The following FTCDNL1 variants were observed in gnomAD, a reference collection of about 807,000 sequenced individuals.
FTCDNL1 encodes the protein formiminotransferase cyclodeaminase N-terminal like.
A neutral mutation model predicts 5.9 loss-of-function variants in FTCDNL1; 11 were observed. That is an observed-to-expected ratio of 1.87 (90% confidence interval 1.18 to 3.10). The LOEUF is 3.10. FTCDNL1 is among the 30% of genes most tolerant of loss of function. The probability of loss-of-function intolerance (pLI) is 0.00; values close to 1 mark genes in which losing one functional copy is unlikely to be tolerated. For missense variants in FTCDNL1, 115 were observed against 65.5 expected (o/e 1.76, Z -2.61); for synonymous variants, 58 against 24.8 (o/e 2.34, Z -3.99).
chr2:199,786,651 C>A (rs1013259637), intron 3 of FTCDNL1, among the ~76,000 whole-genome samples: 3 of 152,172 alleles, frequency 2.0e-5, no homozygotes, highest in African/African-American at 7.2e-5. Flanking sequence ...CATATTTCAT[C>A]AAATTTACAG....
the FTCDNL1 span, among the ~76,000 whole-genome samples, chr2:199,716,870 T>C: frequency 6.6e-6 from 1 of 152,182 alleles, no homozygotes; most frequent in African/African-American, 2.4e-5. Flanking sequence ...TTAGTAGCTA[T>C]GGTTCAAAAG....
the FTCDNL1 span, among the ~76,000 whole-genome samples, chr2:199,684,438 T>G: frequency 6.6e-6 from 1 of 152,332 alleles, no homozygotes; most frequent in East Asian, 1.9e-4. Flanking sequence ...ATTGCTAATT[T>G]ACCCCCAAGT....
At chr2:199,817,560 G>A (rs554068332) in intron 4 of FTCDNL1, among the ~76,000 whole-genome samples, 1 of 152,228 alleles carries the variant, frequency 6.6e-6, no homozygotes, top group South Asian at 2.1e-4. Flanking sequence ...GCCAAGGTGG[G>A]TAGATGGCCT....
Position 199,798,471 on chromosome 2 carries a change from T to C in FTCDNL1, c.212-37636A>G, listed in dbSNP as rs137867384. On this transcript the variant is annotated intron_variant, in intron 3 of 3. Coordinates refer to the FTCDNL1 transcript ENST00000416668. ...AATTGGGAAAGTGCTACAGGTTCTG[T>C]GGAGGTACAGTTCACCTACGTCCTC... Among the ~76,000 whole-genome samples, 495 of 152,336 alleles carry C rather than the reference T, an allele frequency of 3.2e-3. 7 individuals carry two copies. Among genetic ancestry groups the C allele is most frequent in the South Asian group, 0.013 (62 of 4,820 alleles).
chr2:199,691,013 A>T, the FTCDNL1 span, among the ~76,000 whole-genome samples: 1 of 152,220 alleles, frequency 6.6e-6, no homozygotes. Context: ...ATATACAAAC[A>T]TAGGCCAAAA....
At chr2:199,767,676 T>C (rs1644044658) in intron 3 of FTCDNL1, among the ~76,000 whole-genome samples, 2 of 152,130 alleles carry the variant, frequency 1.3e-5, no homozygotes, top group African/African-American at 4.8e-5. Flanking sequence ...TTCTCTCTTC[T>C]ACCACGTGAG....
intron 4 of FTCDNL1, chr2:199,819,330 A>C (rs774903385): frequency 4.0e-6 from 2 of 503,298 alleles, no homozygotes; most frequent in Non-Finnish European, 7.2e-6. Context: ...TTGCAGGGCT[A>C]ATGATATATC....
At position 199,851,103 on chromosome 2, in the gene FTCDNL1, GACCGCCCAGCCCAA is replaced by G. The variant is rs2076866397; in HGVS notation, c.-385_-372del. On this transcript the variant is annotated 5_prime_UTR_variant, in exon 1 of 5. Coordinates refer to ENST00000420128, the MANE Select transcript of FTCDNL1 (RefSeq NM_001363886.2). ...GCGCCGAAGGGCGGTGGGGCAGGGC[GACCGCCCAGCCCAA>G]GTCGCCGCCGCGCGTGGCCCGCGCG... The G allele has an allele frequency of 1.3e-5, 2 of 149,520 alleles. No individual in the cohort carries two copies. Among genetic ancestry groups the G allele is most frequent in the Non-Finnish European group, 3.0e-5 (2 of 67,148 alleles). The allele number at this position is 149,520 out of a possible 1,614,324, so 9.3% of individuals were successfully genotyped here. A position where few individuals can be genotyped will look rare whatever the true frequency, so the allele number is the denominator to read the frequency against.
intron 3 of FTCDNL1, among the ~76,000 whole-genome samples, chr2:199,825,706 GCTTCCTAAGCC>G (rs11271689): frequency 0.058 from 8,846 of 152,214 alleles, 571 homozygotes; most frequent in Admixed American, 0.13. Flanking sequence ...ATGAGTAAGA[GCTTCCTAAGCC>G]TTTACCAGAA....
the FTCDNL1 span, among the ~76,000 whole-genome samples, chr2:199,727,197 C>T: frequency 6.6e-6 from 1 of 152,226 alleles, no homozygotes; most frequent in Non-Finnish European, 1.5e-5. Context: ...TCTGCCACAG[C>T]CGCTGTGCTG....
Position 199,812,569 on chromosome 2 carries a change from T to A in FTCDNL1, c.*136A>T, listed in dbSNP as rs971317964. 2.2e-6 allele frequency: 1 copy of A among 462,802 alleles called. No homozygotes were observed. Among genetic ancestry groups the A allele is most frequent in the African/African-American group, 2.0e-5 (1 of 49,906 alleles). 28.7% of individuals were successfully genotyped at this position (462,802 alleles called of 1,614,324 possible). ...ACTTTTTGCTCTAAAATTAGAAACC[T>A]GATGTGAAAGTTTGTTTCTCAGTTT... is the stretch of plus-strand genomic sequence containing the variant. On this transcript the variant is annotated 3_prime_UTR_variant, in exon 5 of 5. Coordinates refer to ENST00000420128, the MANE Select transcript of FTCDNL1 (RefSeq NM_001363886.2).
At chr2:199,819,792 C>T (rs1701574947) in intron 3 of FTCDNL1, 35 bp from the exon 4 acceptor site, 1 of 675,860 alleles carries the variant, frequency 1.5e-6, no homozygotes, top group South Asian at 1.5e-5. Context: ...AAGAAAATCA[C>T]AATCAAGCCA....
downstream of FTCDNL1, among the ~76,000 whole-genome samples, chr2:199,758,506 C>T (rs1574427693): frequency 6.6e-6 from 1 of 151,714 alleles, no homozygotes; most frequent in African/African-American, 2.4e-5. Context: ...TCATACACTG[C>T]TGGGGTGATT....
the FTCDNL1 span, among the ~76,000 whole-genome samples, chr2:199,723,592 A>G: frequency 6.6e-6 from 1 of 152,160 alleles, no homozygotes; most frequent in South Asian, 2.1e-4. Context: ...TTTTAACATG[A>G]GGGGACGTTC....
intron 2 of FTCDNL1, among the ~76,000 whole-genome samples, chr2:199,846,473 T>C (rs888218430): frequency 2.4e-4 from 37 of 152,246 alleles, no homozygotes; most frequent in African/African-American, 8.4e-4. Context: ...TGGTAGCTCC[T>C]TTCTTCAATA....
the FTCDNL1 span, among the ~76,000 whole-genome samples, chr2:199,729,941 A>T: frequency 6.6e-6 from 1 of 152,170 alleles, no homozygotes; most frequent in Non-Finnish European, 1.5e-5. Context: ...ATGCTACCTG[A>T]CCTCAAACTA....
intron 3 of FTCDNL1, among the ~76,000 whole-genome samples, chr2:199,798,719 T>G (rs1459554259): frequency 2.0e-5 from 3 of 152,214 alleles, no homozygotes; most frequent in Non-Finnish European, 4.4e-5. Flanking sequence ...CCCAAACCAC[T>G]TGGTGACAAG....
intron 3 of FTCDNL1, among the ~76,000 whole-genome samples, chr2:199,801,117 C>A (rs1223865822): frequency 6.6e-6 from 1 of 152,182 alleles, no homozygotes; most frequent in Admixed American, 6.5e-5. Context: ...CTGTGATGGT[C>A]CTCTGGCCCT....
rs753255403 is a variant in FTCDNL1, at chr2:199,826,569, T to C, written c.212-6812A>G. Among the ~76,000 whole-genome samples the C allele has an allele frequency of 9.1e-4, 135 of 148,460 alleles. 3 individuals carry two copies. Among genetic ancestry groups the C allele is most frequent in the Non-Finnish European group, 2.8e-4 (19 of 67,580 alleles). ...CAGCACTTTGGGAGGCTGAAGCAGG[T>C]GGATCACTTGAGGTCGACAGGTCAA... On this transcript the variant is annotated intron_variant, in intron 3 of 4. Transcript: ENST00000420128.
Sources: allele counts gnomAD v4.1 joint callset (sites outside exome capture counted in the v4.1 genomes callset), GRCh38; gene constraint gnomAD v4.1.1; transcripts MANE v1.5; gene names NCBI Gene and HGNC (gene_info 2026-07-23, HGNC 2026-07-21).